GPC3: variants seen among roughly 807,000 people sequenced by gnomAD.
GPC3 encodes glypican 3.
GPC3 carries 3 observed loss-of-function variants against 34.4 expected under a neutral mutation model. The ratio of observed to expected loss-of-function variants is 0.09; its 90% CI spans 0.04 to 0.23. The LOEUF (loss-of-function observed/expected upper bound fraction) is 0.23. Among genes scored for constraint, GPC3 ranks in the 10% least tolerant of loss-of-function variants. GPC3 has a pLI of 1.00. For synonymous variants in GPC3, 177 were observed against 174.0 expected, an observed-to-expected ratio of 1.02 and a Z score of -0.13; for missense variants, 351 against 445.6, an observed-to-expected ratio of 0.79 and a Z score of 1.91.
intron 2 of GPC3, among the ~76,000 whole-genome samples, chrX:133,866,913 T>C (rs2075970586): frequency 9.0e-6 from 1 of 111,018 alleles, no homozygotes; most frequent in Admixed American, 9.5e-5. Context: ...TAAGATCATT[T>C]ACAGCCAAGT....
chrX:133,781,052 T>C (rs988029842), intron 2 of GPC3, among the ~76,000 whole-genome samples: 1 of 111,865 alleles, frequency 8.9e-6, no homozygotes, highest in African/African-American at 3.2e-5. Flanking sequence ...ATGTAGGATA[T>C]TGTATTTCCT....
At chrX:133,864,277 A>G in intron 2 of GPC3, among the ~76,000 whole-genome samples, 1 of 111,422 alleles carries the variant, frequency 9.0e-6, no homozygotes, top group South Asian at 3.8e-4. Flanking sequence ...GGAAACCCAA[A>G]CTGTGCGCAC....
chrX:133,638,618 G>A (rs1174972050), intron 6 of GPC3, among the ~76,000 whole-genome samples: 2 of 111,429 alleles, frequency 1.8e-5, no homozygotes, highest in East Asian at 2.8e-4. Flanking sequence ...TGAATGCCTT[G>A]CCTCAAATTT....
chrX:133,856,128 A>G (rs1359381235), intron 2 of GPC3, among the ~76,000 whole-genome samples: 1 of 112,308 alleles, frequency 8.9e-6, no homozygotes. Flanking sequence ...CTTTGGGCAT[A>G]TACACAGAAG....
chrX:133,667,971 G>A (rs1004736280), intron 5 of GPC3, among the ~76,000 whole-genome samples: 25 of 106,576 alleles, frequency 2.3e-4, no homozygotes, highest in Admixed American at 7.9e-4. Context: ...GTGCGATCTC[G>A]GCTCACTGCA....
intron 3 of GPC3, among the ~76,000 whole-genome samples, chrX:133,724,004 C>T (rs756281396): frequency 2.8e-4 from 32 of 112,344 alleles, no homozygotes; most frequent in Non-Finnish European, 5.8e-4. Context: ...TCATAACTAA[C>T]ACTTAGGTTG....
At chrX:133,792,928 G>A (rs1026566020) in intron 2 of GPC3, among the ~76,000 whole-genome samples, 2 of 111,664 alleles carry the variant, frequency 1.8e-5, no homozygotes, top group Non-Finnish European at 3.8e-5. Context: ...AGGGAGCCAC[G>A]TTTCCTTCTA....
intron 5 of GPC3, among the ~76,000 whole-genome samples, chrX:133,679,739 C>T (rs186330043): frequency 1.9e-3 from 208 of 111,194 alleles, no homozygotes; most frequent in African/African-American, 6.5e-3. Context: ...ACTGCAGCCT[C>T]GACCTCTCGG....
At chrX:133,728,199 A>G (rs749382233) in intron 3 of GPC3, among the ~76,000 whole-genome samples, 1 of 112,114 alleles carries the variant, frequency 8.9e-6, no homozygotes, top group Non-Finnish European at 1.9e-5. Flanking sequence ...CCAGTGGCCT[A>G]CGTGTCAATG....
chrX:133,636,261 C>T (rs759796072), intron 6 of GPC3, among the ~76,000 whole-genome samples: 4 of 112,364 alleles, frequency 3.6e-5, no homozygotes, highest in Admixed American at 9.4e-5. Context: ...AGACAGGATG[C>T]GAGAGAGCCA....
intron 5 of GPC3, among the ~76,000 whole-genome samples, chrX:133,679,456 G>GT (rs2070918398): frequency 9.0e-6 from 1 of 110,850 alleles, no homozygotes; most frequent in Non-Finnish European, 1.9e-5. Flanking sequence ...ACAAAATAGA[G>GT]TTTAAGTAAT....
rs755379790 is a variant in GPC3 at position 133,896,379 on chromosome X, A to G, written c.337+56671T>C. Among the ~76,000 whole-genome samples, 310 of 106,544 alleles carry G rather than the reference A, an allele frequency of 2.9e-3. 2 individuals carry two copies. Among genetic ancestry groups the G allele is most frequent in the African/African-American group, 8.6e-3 (251 of 29,200 alleles). 92.5% of individuals were successfully genotyped at this position (106,544 alleles called of 115,157 possible). A position where few individuals can be genotyped will look rare whatever the true frequency, so the allele number is the denominator to read the frequency against. ...TTGTCTCAGAAAAAAAAAAAAAAAG[A>G]AAGAAAAAGAAAGGAAACATCCATT... On this transcript the variant is annotated intron_variant, in intron 2 of 7. Transcript: ENST00000370818.
intron 7 of GPC3, among the ~76,000 whole-genome samples, chrX:133,543,365 C>T (rs765880773): frequency 4.5e-5 from 5 of 112,053 alleles, no homozygotes; most frequent in Admixed American, 9.4e-5. Context: ...GCGATCTGCC[C>T]GCCTTGGCCT....
intron 2 of GPC3, among the ~76,000 whole-genome samples, chrX:133,861,343 A>G (rs1320998244): frequency 9.0e-6 from 1 of 110,528 alleles, no homozygotes; most frequent in Non-Finnish European, 1.9e-5. Flanking sequence ...ACTCAGGAGT[A>G]TCTGGAATTT....
At chrX:133,880,999 T>C (rs2076039229) in intron 2 of GPC3, among the ~76,000 whole-genome samples, 1 of 112,370 alleles carries the variant, frequency 8.9e-6, no homozygotes, top group South Asian at 3.7e-4. Context: ...ACATGCTTTT[T>C]AAAGTAATTA....
chrX:133,627,970 T>C (rs1193012670), intron 6 of GPC3, among the ~76,000 whole-genome samples: 1 of 112,421 alleles, frequency 8.9e-6, no homozygotes, highest in Non-Finnish European at 1.9e-5. Context: ...TTTGCACTAT[T>C]GTTTGACATC....
chrX:133,924,969 C>T (rs1015174289), intron 2 of GPC3, among the ~76,000 whole-genome samples: 6 of 109,118 alleles, frequency 5.5e-5, no homozygotes, highest in Non-Finnish European at 9.5e-5. Flanking sequence ...AAAGAATGTG[C>T]CTGTCATCAT....
chrX:133,556,477 T>C (rs1389511020), intron 7 of GPC3, among the ~76,000 whole-genome samples: 2 of 110,604 alleles, frequency 1.8e-5, no homozygotes, highest in African/African-American at 6.6e-5. Flanking sequence ...CAATTAACCA[T>C]TTTCCCACTG....
At chrX:133,585,078 C>T (rs1034796164) in intron 7 of GPC3, among the ~76,000 whole-genome samples, 1 of 111,961 alleles carries the variant, frequency 8.9e-6, no homozygotes, top group Admixed American at 9.4e-5. Context: ...GGTTTCCCTT[C>T]AGAAAAATTA....
Sources: gnomAD v4.1 joint callset for allele counts (sites outside exome capture counted in the v4.1 genomes callset) on GRCh38, gnomAD v4.1.1 for gene constraint, MANE v1.5 for transcripts, NCBI Gene and HGNC (gene_info 2026-07-23, HGNC 2026-07-21) for gene names.